SPG7: variants seen among roughly 807,000 people sequenced by gnomAD.
SPG7 encodes the protein SPG7 matrix AAA peptidase subunit, paraplegin, also known as mitochondrial inner membrane m-AAA protease component paraplegin.
Under a neutral mutation model 81.9 loss-of-function variants are expected in SPG7, and 103 were observed. The ratio of observed to expected loss-of-function variants is 1.26; its 90% CI spans 1.07 to 1.48. SPG7 has a LOEUF of 1.48. SPG7 is among the 40% of genes most tolerant of loss of function. The probability of loss-of-function intolerance (pLI) is 0.00; values close to 1 mark genes in which losing one functional copy is unlikely to be tolerated. For synonymous variants in SPG7, 534 were observed against 444.2 expected (o/e 1.20, Z -2.54); for missense variants, 1,241 against 1,087.3 (o/e 1.14, Z -1.99).
At position 89,532,080 on chromosome 16, in the gene SPG7, TTGGGGGCTGTGGG is replaced by T. The variant is rs1379023827; in HGVS notation, c.1150+19_1150+31del. The T allele has an allele frequency of 1.1e-5, 18 of 1,610,598 alleles. 1 individual carries two copies. In the Middle Eastern group the frequency reaches 1.7e-3, roughly 149 times the overall value. ...AGGTCATTGGAGGTAGGTGCTGTGG[TTGGGGGCTGTGGG>T]TGGGCTTGGCTGACTACCTGGCTCC... On this transcript the variant is annotated intron_variant, in intron 8 of 16. Transcript: ENST00000645818.
rs956304326 is a variant in SPG7 at position 89,508,467 on chromosome 16, C to G, written c.50C>G (p.Pro17Arg). 1.7e-5 allele frequency: 25 copies of G among 1,508,144 alleles called. No homozygotes were observed. Among genetic ancestry groups the G allele is most frequent in the Non-Finnish European group, 2.0e-5 (23 of 1,135,400 alleles). 93.4% of individuals were successfully genotyped at this position (1,508,144 alleles called of 1,614,324 possible). Residue 17 changes from proline to arginine, a missense_variant, in exon 1 of 17, where the codon CCG becomes CGG. By Grantham distance (103) the Pro-to-Arg change is moderately radical. Transcript: ENST00000645818. The stretch of plus-strand genomic sequence containing the variant: ...CGTGCCCTCCGCCGGGGTCCAGGCC[C>G]GGGTCCTCGGCCGCTGTGGGGCCCA... ...LLRALRRGPG[P>R]GPRPLWGPGP...
Position 89,557,580 on chromosome 16 carries a change from G to C in SPG7, c.*487G>C. 5.6e-6 allele frequency: 1 copy of C among 180,022 alleles called. No individual in the cohort carries two copies. 11.2% of individuals were successfully genotyped at this position (180,022 alleles called of 1,614,324 possible). The stretch of plus-strand genomic sequence containing the variant: ...TGTCATCCAGCTCACTCATCAATGG[G>C]GCCAGTCAGGCCCAGGCACTGGGCT... On this transcript the variant is annotated 3_prime_UTR_variant, in exon 17 of 17. Coordinates refer to ENST00000645818, the MANE Select transcript of SPG7 (RefSeq NM_003119.4).
In SPG7 at chr16:89,557,235, T is replaced by C. The variant is rs1420637959; in HGVS notation, c.*142T>C. 4 of 626,308 alleles carry C rather than the reference T, an allele frequency of 6.4e-6. No homozygotes were observed. The highest frequency in any genetic ancestry group is 2.7e-5 in the Admixed American group (1 of 36,666). 38.8% of individuals were successfully genotyped at this position (626,308 alleles called of 1,614,324 possible). A position where few individuals can be genotyped will look rare whatever the true frequency, so the allele number is the denominator to read the frequency against. ...CACAGTGACTTCTGAGATCTGTTGATTGATGACCCTTTTCATGATTTTAAG... is the reference window on the plus strand; with the variant it reads ...CACAGTGACTTCTGAGATCTGTTGACTGATGACCCTTTTCATGATTTTAAG... On this transcript the variant is annotated 3_prime_UTR_variant, in exon 17 of 17. Transcript: ENST00000645818.
Position 89,526,412 on chromosome 16 carries a change from T to C in SPG7, c.702T>C (p.Asn234=), listed in dbSNP as rs1221229360. ...TTCGAGCAGCTGAAGATGAGCTGAA[T>C]ATCGAGGCCAAGGACAGGATCCCAG... ...EKLRAAEDEL[N]IEAKDRIPVS... The change falls in exon 5 of 17, where the codon AAT becomes AAC. Residue 234 remains asparagine (N), a synonymous_variant. Transcript: ENST00000645818. The C allele has an allele frequency of 6.2e-7, 1 of 1,614,150 alleles. No individual in the cohort carries two copies. Among genetic ancestry groups the C allele is most frequent in the East Asian group, 2.2e-5 (1 of 44,884 alleles).
At position 89,515,744 on chromosome 16, in the gene SPG7, T is replaced by C. The variant is rs185145288; in HGVS notation, c.376+2707T>C. On this transcript the variant is annotated intron_variant, in intron 3 of 16. Transcript: ENST00000645818. ...TTTTTTTTGAGATGGGGTCTCGCTC[T>C]GTCGCCAGGCTAGAGTGCAATGGCA... 1.3e-3 allele frequency among the ~76,000 whole-genome samples: 202 copies of C among 151,530 alleles called. 3 individuals carry two copies. Among genetic ancestry groups the C allele is most frequent in the African/African-American group, 4.7e-3 (193 of 41,354 alleles).
chr16:89,553,804 C>A lies in SPG7; in HGVS notation c.1947C>A (p.Asp649Glu), dbSNP rs369363614. The change falls in exon 15 of 17, where the codon GAC (aspartate) becomes GAA (glutamate). Residue 649 changes from aspartate to glutamate, a missense_variant. Coordinates refer to ENST00000645818, the MANE Select transcript of SPG7 (RefSeq NM_003119.4). ...GACCCCGCCCTCCAGGGGCACAGGA[C>A]GACCTGAGGAAGGTCACCCGCATCG... ...SFNEVTSGAQ[D>E]DLRKVTRIAY... 6.2e-7 allele frequency: 1 copy of A among 1,613,328 alleles called. No homozygotes were observed. Among genetic ancestry groups the A allele is most frequent in the African/African-American group, 1.3e-5 (1 of 74,924 alleles).
At chr16:89,549,075 C>T (rs1016226344) in intron 12 of SPG7, 9 of 456,114 alleles carry the variant, frequency 2.0e-5, no homozygotes, top group African/African-American at 1.0e-4. Context: ...GGCTTCTCTC[C>T]GACAGCCCTG....
In SPG7 at chr16:89,536,628, C is replaced by T. The variant is rs1205653005; in HGVS notation, c.1324+3992C>T. The T allele has an allele frequency of 9.4e-5, 86 of 914,910 alleles. 1 individual carries two copies. In the African/African-American group the frequency reaches 1.1e-3, roughly 12 times the overall value. 56.7% of individuals were successfully genotyped at this position (914,910 alleles called of 1,614,324 possible). A position where few individuals can be genotyped will look rare whatever the true frequency, so the allele number is the denominator to read the frequency against. On this transcript the variant is annotated intron_variant, in intron 9 of 16. Coordinates refer to ENST00000645818, the MANE Select transcript of SPG7 (RefSeq NM_003119.4). ...GTGAGGTGGGTGAGGCGGGTGAGGGCGGGTGAGGCGGGCGAGGTGGGCGAG... is the reference window on the plus strand; with the variant it reads ...GTGAGGTGGGTGAGGCGGGTGAGGGTGGGTGAGGCGGGCGAGGTGGGCGAG...
intron 13 of SPG7, 70 bp from the exon 14 acceptor site, chr16:89,552,909 G>A: frequency 1.3e-6 from 2 of 1,493,306 alleles, no homozygotes; most frequent in African/African-American, 1.4e-5. Context: ...AGACCTCTTA[G>A]TCCCACACCT....
chr16:89,532,250 C>T (rs2058353792), intron 8 of SPG7, among the ~76,000 whole-genome samples, 184 bp downstream of exon 8: 1 of 152,228 alleles, frequency 6.6e-6, no homozygotes, highest in Non-Finnish European at 1.5e-5. Flanking sequence ...TTCAAAGCCA[C>T]CGTCACTTGT....
chr16:89,543,646 ATTCTTTT>A, intron 9 of SPG7: 1 of 119,522 alleles, frequency 8.4e-6, no homozygotes, highest in Non-Finnish European at 1.7e-5. Flanking sequence ...CCACCAGTGG[ATTCTTTT>A]TTTTTTTTTT....
chr16:89,554,389 G>A, intron 15 of SPG7, 97 bp from the exon 16 acceptor site: 1 of 824,160 alleles, frequency 1.2e-6, no homozygotes, highest in Non-Finnish European at 2.0e-6. Flanking sequence ...CCTGGGAGGG[G>A]AAAGGCCGTG....
intron 9 of SPG7, among the ~76,000 whole-genome samples, chr16:89,534,851 C>A (rs868563661): frequency 1.1e-4 from 16 of 152,214 alleles, no homozygotes; most frequent in South Asian, 2.1e-4. Context: ...GTGCTTCCGC[C>A]CCCCCGATGT....
rs898918249 is a variant in SPG7, at chr16:89,557,413, A to G, written c.*320A>G. The G allele has an allele frequency of 2.3e-5, 9 of 398,242 alleles. No individual in the cohort carries two copies. The highest frequency in any genetic ancestry group is 3.3e-5 in the Non-Finnish European group (7 of 213,302). The allele number at this position is 398,242 out of a possible 1,614,324, so 24.7% of individuals were successfully genotyped here. On this transcript the variant is annotated 3_prime_UTR_variant, in exon 17 of 17. Transcript: ENST00000645818. ...AGTGTGGCTGAGGCCACCCAGAGGC[A>G]GCAGAGCATTCAGACTCCAAACAGA...
At chr16:89,545,873 G>T (rs1392644015) in intron 10 of SPG7, 1 of 426,900 alleles carries the variant, frequency 2.3e-6, no homozygotes, top group Non-Finnish European at 4.6e-6. Context: ...AATTTTTAGA[G>T]AAAGGGTGTT....
intron 3 of SPG7, among the ~76,000 whole-genome samples, chr16:89,513,481 A>C (rs12934570): frequency 6.6e-6 from 1 of 151,834 alleles, no homozygotes; most frequent in East Asian, 1.9e-4. Context: ...ATGCCATTGC[A>C]CTCCAGCCTG....
chr16:89,546,672 T>G lies in SPG7; in HGVS notation c.1464T>G (p.Ile488Met). 6.2e-7 allele frequency: 1 copy of G among 1,613,380 alleles called. No homozygotes were observed. The highest frequency in any genetic ancestry group is 8.5e-7 in the Non-Finnish European group (1 of 1,179,474). ...GGTTCTGGCAGGAGAGGCGGGAGAT[T>G]TTTGAGCAGCACCTGAAGAGCCTGA... The part of the protein sequence containing the change: ...DLPTLQERRE[I>M]FEQHLKSLKL... Residue 488 changes from isoleucine (I) to methionine (M), a missense_variant, in exon 11 of 17, where the codon ATT (isoleucine) becomes ATG (methionine). By Grantham distance (10) the Ile-to-Met change is conservative (BLOSUM62 1). Coordinates refer to ENST00000645818, the MANE Select transcript of SPG7 (RefSeq NM_003119.4).
chr16:89,522,001 CCCATGTTT>C (rs1274372017), intron 3 of SPG7: 2 of 152,020 alleles, frequency 1.3e-5, no homozygotes, highest in Non-Finnish European at 1.5e-5. Context: ...CCCAGTGCAC[CCCATGTTT>C]CTAGTAGAAA....
intron 10 of SPG7, chr16:89,545,826 C>G (rs1176687967): frequency 2.5e-6 from 1 of 407,892 alleles, no homozygotes; most frequent in African/African-American, 2.1e-5. Flanking sequence ...AGCTATTCTG[C>G]TATAATTTTT....
Sources: allele counts gnomAD v4.1 joint callset (sites outside exome capture counted in the v4.1 genomes callset), GRCh38; gene constraint gnomAD v4.1.1; transcripts MANE v1.5; gene names NCBI Gene and HGNC (gene_info 2026-07-23, HGNC 2026-07-21).